The following RETREG1 variants were observed in gnomAD, a reference collection of about 807,000 sequenced individuals.
RETREG1 encodes family with sequence similarity 134 member B.
In RETREG1, 44 loss-of-function variants were observed where a neutral mutation model predicts 54.8. That is an observed-to-expected ratio of 0.80 (90% CI 0.63 to 1.03). RETREG1 has a LOEUF of 1.03. Among genes scored for constraint, RETREG1 ranks in the 50% least tolerant of loss-of-function variants. The probability of loss-of-function intolerance (pLI) is 0.00; values close to 1 mark genes in which losing one functional copy is unlikely to be tolerated. For missense variants in RETREG1, 554 were observed against 605.1 expected (o/e 0.92, Z 0.89); for synonymous variants, 217 against 238.5 (o/e 0.91, Z 0.83).
chr5:16,576,642 C>G (rs922067008), intron 1 of RETREG1, among the ~76,000 whole-genome samples: 1 of 152,168 alleles, frequency 6.6e-6, no homozygotes, highest in African/African-American at 2.4e-5. Flanking sequence ...TGTACCAACA[C>G]GCCCGGCTAA....
At chr5:16,574,288 T>C (rs902803457) in intron 1 of RETREG1, among the ~76,000 whole-genome samples, 2 of 152,074 alleles carry the variant, frequency 1.3e-5, no homozygotes, top group Non-Finnish European at 2.9e-5. Flanking sequence ...GGGAAGACTG[T>C]GTCAAGCAGA....
At chr5:16,603,531 G>A (rs1247054213) in intron 1 of RETREG1, among the ~76,000 whole-genome samples, 1 of 152,144 alleles carries the variant, frequency 6.6e-6, no homozygotes, top group Non-Finnish European at 1.5e-5. Flanking sequence ...AGATGCAGGG[G>A]GTCACAGTCC....
intron 1 of RETREG1, chr5:16,616,380 T>C: frequency 4.1e-6 from 2 of 489,156 alleles, no homozygotes; most frequent in Non-Finnish European, 7.1e-6. Flanking sequence ...GGAACACCTG[T>C]AGGTGCAGGT....
chr5:16,520,914 C>T (rs1677326), intron 3 of RETREG1, among the ~76,000 whole-genome samples: 39,639 of 151,782 alleles, frequency 0.26, 5,505 homozygotes, highest in East Asian at 0.4. Flanking sequence ...TCTGGAAACA[C>T]GGAGAGGGAC....
chr5:16,513,461 G>A (rs143561038), intron 3 of RETREG1, among the ~76,000 whole-genome samples: 43 of 152,276 alleles, frequency 2.8e-4, no homozygotes, highest in African/African-American at 9.4e-4. Context: ...CAAAATCAAG[G>A]AGTCCCAAAC....
chr5:16,601,916 C>T (rs971510285), intron 1 of RETREG1, among the ~76,000 whole-genome samples: 6 of 152,176 alleles, frequency 3.9e-5, no homozygotes, highest in Non-Finnish European at 8.8e-5. Flanking sequence ...CTTTCGCCAG[C>T]TCAAGTGCAA....
intron 1 of RETREG1, among the ~76,000 whole-genome samples, chr5:16,615,558 CATA>C (rs1441918346): frequency 6.6e-6 from 1 of 151,998 alleles, no homozygotes; most frequent in African/African-American, 2.4e-5. Context: ...GCATTCACTC[CATA>C]ATAAGATAGA....
chr5:16,528,487 G>C (rs1036343374), intron 3 of RETREG1, among the ~76,000 whole-genome samples: 1 of 152,124 alleles, frequency 6.6e-6, no homozygotes, highest in Admixed American at 6.5e-5. Context: ...TGGGACAGGA[G>C]TCAGCTCTGG....
intron 1 of RETREG1, 63 bp downstream of exon 1, chr5:16,616,589 G>C: frequency 6.5e-7 from 1 of 1,537,300 alleles, no homozygotes; most frequent in Admixed American, 2.0e-5. Flanking sequence ...TGGGTCCCCG[G>C]GGCCCCGGGC....
intron 2 of RETREG1, among the ~76,000 whole-genome samples, chr5:16,570,978 T>C (rs1272698482): frequency 6.6e-6 from 1 of 152,202 alleles, no homozygotes; most frequent in Non-Finnish European, 1.5e-5. Flanking sequence ...CTTCCTGGAA[T>C]CTTGGGAAGG....
intron 1 of RETREG1, among the ~76,000 whole-genome samples, chr5:16,601,929 C>T (rs1034127262): frequency 9.9e-5 from 15 of 152,212 alleles, no homozygotes; most frequent in Non-Finnish European, 1.5e-5. Context: ...AAGTGCAACA[C>T]TGGAAGCGAG....
rs138925657 is a variant in RETREG1, at chr5:16,598,290, G to A, written c.320+18362C>T. On this transcript the variant is annotated intron_variant, in intron 1 of 8. Transcript: ENST00000306320. ...ACCATGGCTGCCCTTCCTACATACCGCTAGCATGGCACTTAAAAGAATGTG... is the reference window on the plus strand; with the variant it reads ...ACCATGGCTGCCCTTCCTACATACCACTAGCATGGCACTTAAAAGAATGTG... Among the ~76,000 whole-genome samples, 1,171 of 152,204 alleles carry A rather than the reference G, an allele frequency of 7.7e-3. 18 individuals carry two copies. The highest frequency in any genetic ancestry group is 0.027 in the African/African-American group (1,111 of 41,522).
chr5:16,514,288 T>C (rs527663430), intron 3 of RETREG1, among the ~76,000 whole-genome samples: 12 of 152,284 alleles, frequency 7.9e-5, no homozygotes, highest in Admixed American at 7.2e-4. Flanking sequence ...TTGAACCTTC[T>C]GCAAATACGG....
At chr5:16,615,145 C>G (rs1457578589) in intron 1 of RETREG1, among the ~76,000 whole-genome samples, 2 of 152,020 alleles carry the variant, frequency 1.3e-5, no homozygotes, top group Non-Finnish European at 2.9e-5. Context: ...CGCTTGTAAT[C>G]CCAGCACTTT....
chr5:16,478,948 T>G lies in RETREG1; in HGVS notation c.710A>C (p.Asp237Ala), dbSNP rs367886987. 1.2e-6 allele frequency: 2 copies of G among 1,612,140 alleles called. No individual in the cohort carries two copies. The highest frequency in any genetic ancestry group is 2.7e-5 in the African/African-American group (2 of 74,838). The change falls in exon 6 of 9, where the codon GAT becomes GCT. Residue 237 changes from aspartate (D) to alanine (A), a missense_variant. This residue lies in a region of RETREG1 where 347 missense variants were observed against 412.3 expected (regional missense o/e 0.84). Transcript: ENST00000306320. Reference protein sequence around the residue: ...AFLCPLFKCNDIGQKIYSKIK... With the variant: ...AFLCPLFKCNAIGQKIYSKIK... ...TTTGCTGTAAATTTTTTGTCCAATA[T>G]CATTACATTTAAACAATGGACACAA...
Position 16,474,650 on chromosome 5 carries a change from G to C in RETREG1, c.*91C>G. 1.4e-6 allele frequency: 2 copies of C among 1,476,988 alleles called. No individual in the cohort carries two copies. Among genetic ancestry groups the C allele is most frequent in the Non-Finnish European group, 1.8e-6 (2 of 1,094,078 alleles). The allele number at this position is 1,476,988 out of a possible 1,614,324, so 91.5% of individuals were successfully genotyped here. A position where few individuals can be genotyped will look rare whatever the true frequency, so the allele number is the denominator to read the frequency against. Reference sequence around the variant, plus strand: ...TCTAAAGTAATCATTAAAGCTTACAGTTCAATTTTTTTCTTTTCCTTTTTT... The same window carrying C: ...TCTAAAGTAATCATTAAAGCTTACACTTCAATTTTTTTCTTTTCCTTTTTT... On this transcript the variant is annotated 3_prime_UTR_variant, in exon 9 of 9. Coordinates refer to ENST00000306320, the MANE Select transcript of RETREG1 (RefSeq NM_001034850.3).
chr5:16,531,812 TGTGACCATCACTGA>T (rs941615968), intron 3 of RETREG1, among the ~76,000 whole-genome samples: 1 of 152,156 alleles, frequency 6.6e-6, no homozygotes, highest in Non-Finnish European at 1.5e-5. Context: ...CAAATTAGCC[TGTGACCATCACTGA>T]GTTTGGCTGC....
chr5:16,500,236 G>A (rs1274071091), intron 3 of RETREG1, among the ~76,000 whole-genome samples: 3 of 152,220 alleles, frequency 2.0e-5, no homozygotes, highest in Non-Finnish European at 4.4e-5. Context: ...CCCAACTTCT[G>A]CCTCAGGATG....
chr5:16,527,927 A>G (rs931651250), intron 3 of RETREG1, among the ~76,000 whole-genome samples: 12 of 146,900 alleles, frequency 8.2e-5, no homozygotes, highest in African/African-American at 3.0e-4. Flanking sequence ...CTCCAGCCTC[A>G]GCCTCCCGAG....
Sources: allele counts gnomAD v4.1 joint callset (sites outside exome capture counted in the v4.1 genomes callset), GRCh38; gene constraint gnomAD v4.1.1; regional missense constraint gnomAD v4.1.1; transcripts MANE v1.5; gene names NCBI Gene and HGNC (gene_info 2026-07-23, HGNC 2026-07-21).